MCOLN3: variants seen among roughly 807,000 people sequenced by gnomAD.
MCOLN3 encodes mucolipin-3.
MCOLN3 carries 62 observed loss-of-function variants against 69.4 expected under a neutral mutation model. The ratio of observed to expected loss-of-function variants is 0.89; its 90% confidence interval spans 0.73 to 1.10. MCOLN3 has a LOEUF of 1.10. MCOLN3 is among the 50% of genes least tolerant of loss of function. The pLI is 0.00. For missense variants in MCOLN3, 564 were observed against 656.4 expected (o/e 0.86, Z 1.54); for synonymous variants, 183 against 217.0 (o/e 0.84, Z 1.38).
intron 2 of MCOLN3, among the ~76,000 whole-genome samples, chr1:85,044,190 C>T (rs1653221058): frequency 6.6e-6 from 1 of 152,182 alleles, no homozygotes; most frequent in Non-Finnish European, 1.5e-5. Flanking sequence ...CTTGATACAA[C>T]ACCTAGCATT....
chr1:85,024,346 T>C (rs1385922233), intron 9 of MCOLN3, among the ~76,000 whole-genome samples: 2 of 152,162 alleles, frequency 1.3e-5, no homozygotes, highest in African/African-American at 4.8e-5. Context: ...AGAAGGAAAC[T>C]GATGATCCCC....
intron 3 of MCOLN3, among the ~76,000 whole-genome samples, chr1:85,040,166 C>G (rs980014086): frequency 6.6e-6 from 1 of 152,122 alleles, no homozygotes; most frequent in Non-Finnish European, 1.5e-5. Flanking sequence ...TAACTTATTT[C>G]TATTACTTTA....
intron 3 of MCOLN3, among the ~76,000 whole-genome samples, chr1:85,039,866 A>T (rs1418367376): frequency 1.3e-5 from 2 of 151,660 alleles, no homozygotes; most frequent in Non-Finnish European, 2.9e-5. Flanking sequence ...TGGGAAGATC[A>T]CTTGTGCCCA....
chr1:85,045,867 C>T (rs116900631), intron 1 of MCOLN3, among the ~76,000 whole-genome samples: 1 of 152,108 alleles, frequency 6.6e-6, no homozygotes, highest in African/African-American at 2.4e-5. Flanking sequence ...GTGTAAAGAA[C>T]AAGATTCAGT....
chr1:85,030,924 A>G (rs1434532519), intron 6 of MCOLN3, among the ~76,000 whole-genome samples: 1 of 152,204 alleles, frequency 6.6e-6, no homozygotes, highest in Non-Finnish European at 1.5e-5. Flanking sequence ...ACCAGAGGCT[A>G]GAAAGGGTAT....
intron 2 of MCOLN3, 93 bp downstream of exon 2, chr1:85,045,040 T>C: frequency 3.4e-6 from 3 of 886,376 alleles, no homozygotes; most frequent in Non-Finnish European, 5.1e-6. Flanking sequence ...ATTTTGCATA[T>C]AGTTAAAAGT....
chr1:85,035,270 C>T (rs1652749083), intron 3 of MCOLN3, among the ~76,000 whole-genome samples: 1 of 152,194 alleles, frequency 6.6e-6, no homozygotes, highest in East Asian at 1.9e-4. Flanking sequence ...TCTTTGGGTT[C>T]AGGCCTTGAC....
rs1571079303 is a variant in MCOLN3, at chr1:85,018,164, A to T, written c.*959T>A. ...CTTTAACACTGAAGGAGGATAGAAA[A>T]CTTGTAAATGAGTATTTAAAAGCCT... On this transcript the variant is annotated 3_prime_UTR_variant, in exon 13 of 13. Coordinates refer to ENST00000370589, the MANE Select transcript of MCOLN3 (RefSeq NM_018298.11). 6.6e-6 allele frequency: 1 copy of T among 152,188 alleles called. No homozygotes were observed. The highest frequency in any genetic ancestry group is 6.5e-5 in the Admixed American group (1 of 15,286). The allele number at this position is 152,188 out of a possible 1,614,324, so 9.4% of individuals were successfully genotyped here.
intron 9 of MCOLN3, among the ~76,000 whole-genome samples, chr1:85,024,361 G>T (rs559527206): frequency 6.6e-6 from 1 of 152,298 alleles, no homozygotes; most frequent in South Asian, 2.1e-4. Context: ...ATCCCCAAGA[G>T]AAGGAAAACT....
intron 6 of MCOLN3, among the ~76,000 whole-genome samples, chr1:85,030,152 C>T (rs986768296): frequency 6.6e-6 from 1 of 152,202 alleles, no homozygotes; most frequent in Non-Finnish European, 1.5e-5. Context: ...AGCCTATGGC[C>T]TCGTGCAAGG....
chr1:85,039,581 T>C (rs998770952), intron 3 of MCOLN3, among the ~76,000 whole-genome samples: 1 of 152,200 alleles, frequency 6.6e-6, no homozygotes, highest in African/African-American at 2.4e-5. Flanking sequence ...GTACCTGCAT[T>C]TCCAGAAGGA....
rs1287240360 is a variant in MCOLN3 at position 85,026,994 on chromosome 1, T to G, written c.833-710A>C. On this transcript the variant is annotated intron_variant, in intron 7 of 12. Transcript: ENST00000370589. ...GTCTTGAACTCCTGGTCTCAAGTGA[T>G]CCTCTCACCTCAGCCTCCCAAAGTG... Among the ~76,000 whole-genome samples, 12 of 152,116 alleles carry G rather than the reference T, an allele frequency of 7.9e-5. No homozygotes were observed. The East Asian group carries it at 1.9e-3, about 25-fold the overall frequency.
At position 85,029,182 on chromosome 1, in the gene MCOLN3, A is replaced by G; in HGVS notation, c.756T>C (p.His252=). Residue 252 remains histidine (H), a synonymous_variant, in exon 7 of 13, where the codon CAT becomes CAC. Coordinates refer to ENST00000370589, the MANE Select transcript of MCOLN3 (RefSeq NM_018298.11). ...CTAAACTTATTTTAATTCTTCCACT[A>G]TGGGCCTTGTTGTCAAATGTTATCT... ...TLTITFDNKA[H]SGRIKISLDN... is the part of the protein sequence containing the mutation. The G allele has an allele frequency of 6.2e-7, 1 of 1,603,116 alleles. No individual in the cohort carries two copies. The highest frequency in any genetic ancestry group is 1.7e-5 in the Admixed American group (1 of 60,000).
At chr1:85,019,284 T>C (rs745375144) in intron 12 of MCOLN3, 27 bp from the exon 13 acceptor site, 2 of 1,602,688 alleles carry the variant, frequency 1.2e-6, no homozygotes, top group Non-Finnish European at 1.7e-6. Context: ...TAAAAAGCTT[T>C]TATTAATAAG....
intron 3 of MCOLN3, among the ~76,000 whole-genome samples, chr1:85,039,696 A>G (rs1652965642): frequency 6.6e-6 from 1 of 152,148 alleles, no homozygotes; most frequent in African/African-American, 2.4e-5. Context: ...TAAGGAATTT[A>G]ATGCACTTTG....
chr1:85,030,883 G>C (rs1652474595), intron 6 of MCOLN3, among the ~76,000 whole-genome samples: 1 of 152,148 alleles, frequency 6.6e-6, no homozygotes, highest in South Asian at 2.1e-4. Flanking sequence ...ACTACCTTTA[G>C]CAAAGGAAGG....
rs759228446 is a variant in MCOLN3 at position 85,045,164 on chromosome 1, T to C, written c.197A>G (p.Gln66Arg). 2 of 1,613,928 alleles carry C rather than the reference T, an allele frequency of 1.2e-6. No homozygotes were observed. Among genetic ancestry groups the C allele is most frequent in the South Asian group, 1.1e-5 (1 of 91,050 alleles). The change falls in exon 2 of 13, where the codon CAA (glutamine) becomes CGA (arginine). Residue 66 changes from glutamine to arginine, a missense_variant. By Grantham distance (43) the Gln-to-Arg change is conservative. Transcript: ENST00000370589. ...AGTCACCATTGCAATTTTTAGAATTTGTATGGCAAGTTTCCATGGTTTTCT... is the reference window on the plus strand; with the variant it reads ...AGTCACCATTGCAATTTTTAGAATTCGTATGGCAAGTTTCCATGGTTTTCT... ...RGRKPWKLAIQILKIAMVTIQ... is the reference protein window; with the variant it reads ...RGRKPWKLAIRILKIAMVTIQ...
intron 9 of MCOLN3, chr1:85,023,082 T>TC (rs1652031498): frequency 6.8e-6 from 1 of 146,342 alleles, no homozygotes; most frequent in African/African-American, 2.6e-5. Flanking sequence ...TTCTTTTTTT[T>TC]TTTTTTTTTT....
Position 85,022,401 on chromosome 1 carries a change from C to CT in MCOLN3, c.1096-2dup. On this transcript the variant is annotated splice_acceptor_variant, in intron 9 of 12. Transcript: ENST00000370589. LOFTEE classifies it high-confidence loss of function. ...TACAGACATCATAACTAGTTAGACT[C>CT]TAAGAGAGAGTGGAAAAATATAATC... 1 of 1,572,250 alleles carries CT rather than the reference C, an allele frequency of 6.4e-7. No homozygotes were observed. The highest frequency in any genetic ancestry group is 8.7e-7 in the Non-Finnish European group (1 of 1,151,358).
Sources: allele counts gnomAD v4.1 joint callset (sites outside exome capture counted in the v4.1 genomes callset), GRCh38; gene constraint gnomAD v4.1.1; transcripts MANE v1.5; gene names NCBI Gene and HGNC (gene_info 2026-07-23, HGNC 2026-07-21).